Variants in ERFL observed in about 807,000 individuals in gnomAD.
ERFL encodes the protein ETS repressor factor like, also known as ETS domain-containing transcription factor ERF-like.
ERFL carries 8 observed loss-of-function variants against 27.9 expected under a neutral mutation model. The observed-to-expected ratio is 0.29, with a 90% confidence interval of 0.17 to 0.52. ERFL has a LOEUF of 0.52. Among genes scored for constraint, ERFL ranks in the 20% least tolerant of loss-of-function variants. ERFL has a pLI of 0.97. For synonymous variants in ERFL, 174 were observed against 202.8 expected (o/e 0.86, Z 1.21); for missense variants, 294 against 444.4 (o/e 0.66, Z 3.04).
chr19:41,918,268 C>T (rs1438070532), intron 1 of ERFL, among the ~76,000 whole-genome samples: 1 of 151,540 alleles, frequency 6.6e-6, no homozygotes, highest in Admixed American at 6.6e-5. Context: ...CACACCCCCA[C>T]CACACACATA....
chr19:41,914,574 C>T (rs113491758), intron 1 of ERFL, among the ~76,000 whole-genome samples: 4,362 of 17,742 alleles, frequency 0.25, 779 homozygotes, highest in Middle Eastern at 0.32. Flanking sequence ...TCTCTGTCTC[C>T]GTCTCTCCCT....
In ERFL at chr19:41,910,656, G is replaced by A. The variant is rs187028396; in HGVS notation, c.68-559C>T. Among the ~76,000 whole-genome samples, 10 of 152,070 alleles carry A rather than the reference G, an allele frequency of 6.6e-5. No homozygotes were observed. The highest frequency in any genetic ancestry group is 3.9e-4 in the East Asian group (2 of 5,176). ...CTGCCTGTGTATTTGTACCTTTCCC[G>A]TCCCTGTGTCCCCTCCACCCCATAT... On this transcript the variant is annotated intron_variant, in intron 2 of 5. Transcript: ENST00000597630. The surrounding 1 kb of genome is among the most constrained non-coding windows in gnomAD (Gnocchi z 4.4).
rs1160296979 is a variant in ERFL, at chr19:41,913,423, G to T, written c.-13-491C>A. Among the ~76,000 whole-genome samples the T allele has an allele frequency of 1.3e-5, 2 of 151,658 alleles. 1 individual carries two copies. The highest frequency in any genetic ancestry group is 4.2e-4 in the South Asian group (2 of 4,790). On this transcript the variant is annotated intron_variant, in intron 1 of 5. Transcript: ENST00000597630. The stretch of plus-strand genomic sequence containing the variant: ...CCAGATTTATCTTGTTCTATAACTT[G>T]CCCCCACACCCGCCCCACCCGGACG...
intron 2 of ERFL, 81 bp downstream of exon 2, chr19:41,912,772 G>C (rs1207479724): frequency 2.4e-6 from 1 of 413,820 alleles, no homozygotes; most frequent in Admixed American, 5.0e-5. Flanking sequence ...GACACGTGGA[G>C]ACACGGAGAG....
At chr19:41,913,093 A>C (rs1272406891) in intron 1 of ERFL, among the ~76,000 whole-genome samples, 161 bp from the exon 2 acceptor site, 1 of 149,020 alleles carries the variant, frequency 6.7e-6, no homozygotes, top group Non-Finnish European at 1.5e-5. Context: ...TCCCGCAGGC[A>C]CCGCTCTGTC....
rs56862201 is a variant in ERFL, at chr19:41,917,123, C to T, written c.-13-4191G>A. On this transcript the variant is annotated intron_variant, in intron 1 of 5. Coordinates refer to ENST00000597630, the MANE Select transcript of ERFL (RefSeq NM_001365103.2). The surrounding 1 kb of genome is among the most constrained non-coding windows in gnomAD (Gnocchi z 4.8). ...CTCTCTCAGCCCCTTCGGGTGTCGG[C>T]GCATCTTTCTGTCTGTCTCTGTCAC... Among the ~76,000 whole-genome samples the T allele has an allele frequency of 1, 152,292 of 152,292 alleles. 76,146 individuals carry two copies. Among genetic ancestry groups the T allele is most frequent in the Non-Finnish European group, 1 (68,028 of 68,028 alleles).
chr19:41,920,736 C>G (rs2074837190), intron 1 of ERFL, among the ~76,000 whole-genome samples: 1 of 152,236 alleles, frequency 6.6e-6, no homozygotes, highest in Non-Finnish European at 1.5e-5. Flanking sequence ...CGGTCTTCTG[C>G]CTCGACTGCA....
rs1555852451 is a variant in ERFL, at chr19:41,921,108, C to A, written c.-14+6932G>T. ...GCCGCAGTGCCACGCACCCCGCCTACCAAACAGCTCTGGGGGAGGGGAGAG... is the reference window on the plus strand; with the variant it reads ...GCCGCAGTGCCACGCACCCCGCCTAACAAACAGCTCTGGGGGAGGGGAGAG... On this transcript the variant is annotated intron_variant, in intron 1 of 5. Transcript: ENST00000597630. This position sits in a 1 kb window ranked among gnomAD's most constrained non-coding sequence, Gnocchi z 4.4. 6.6e-6 allele frequency among the ~76,000 whole-genome samples: 1 copy of A among 152,122 alleles called. No homozygotes were observed. Among genetic ancestry groups the A allele is most frequent in the Non-Finnish European group, 1.5e-5 (1 of 68,004 alleles).
chr19:41,919,467 C>T (rs1258162339), intron 1 of ERFL, among the ~76,000 whole-genome samples: 3 of 152,062 alleles, frequency 2.0e-5, no homozygotes, highest in Non-Finnish European at 4.4e-5. Flanking sequence ...CAAGCTGGTA[C>T]ATTCAGCTCC....
intron 1 of ERFL, among the ~76,000 whole-genome samples, chr19:41,926,672 C>T (rs1434218668): frequency 1.3e-5 from 2 of 151,850 alleles, no homozygotes; most frequent in Non-Finnish European, 2.9e-5. Context: ...CCTGAGGCTG[C>T]TTGGCGATGC....
rs558265590 is a variant in ERFL at position 41,917,912 on chromosome 19, C to T, written c.-13-4980G>A. Among the ~76,000 whole-genome samples, 61 of 152,094 alleles carry T rather than the reference C, an allele frequency of 4.0e-4. No homozygotes were observed. Among genetic ancestry groups the T allele is most frequent in the African/African-American group, 1.2e-3 (49 of 41,430 alleles). On this transcript the variant is annotated intron_variant, in intron 1 of 5. Coordinates refer to ENST00000597630, the MANE Select transcript of ERFL (RefSeq NM_001365103.2). This position sits in a 1 kb window ranked among gnomAD's most constrained non-coding sequence, Gnocchi z 4.8. Reference sequence around the variant, plus strand: ...ATCTGGGTGCACGAAGCCAGCTCCCCGCGGTCACACACTGTGTGTGTGTGT... The same window carrying T: ...ATCTGGGTGCACGAAGCCAGCTCCCTGCGGTCACACACTGTGTGTGTGTGT...
intron 2 of ERFL, among the ~76,000 whole-genome samples, chr19:41,911,283 A>G (rs1455265558): frequency 6.6e-6 from 1 of 151,942 alleles, no homozygotes; most frequent in Non-Finnish European, 1.5e-5. Context: ...TTCTGTGTTC[A>G]CTCTTATGCC....
intron 2 of ERFL, among the ~76,000 whole-genome samples, chr19:41,911,775 G>A (rs1555851276): frequency 6.6e-6 from 1 of 152,038 alleles, no homozygotes; most frequent in Admixed American, 6.6e-5. Flanking sequence ...CACCCAACCC[G>A]ATACTCCATC....
rs1326834516 is a variant in ERFL at position 41,921,668 on chromosome 19, C to T, written c.-14+6372G>A. Among the ~76,000 whole-genome samples the T allele has an allele frequency of 2.0e-5, 3 of 151,978 alleles. No homozygotes were observed. Among genetic ancestry groups the T allele is most frequent in the Admixed American group, 1.3e-4 (2 of 15,254 alleles). On this transcript the variant is annotated intron_variant, in intron 1 of 5. Transcript: ENST00000597630. The surrounding 1 kb of genome is among the most constrained non-coding windows in gnomAD (Gnocchi z 4.4). ...GGAAGGAGAGAAGAGGGCAGAGATGCGGAAAATTGAGGGATTAGGGCAGAG... is the reference window on the plus strand; with the variant it reads ...GGAAGGAGAGAAGAGGGCAGAGATGTGGAAAATTGAGGGATTAGGGCAGAG...
chr19:41,924,795 A>G (rs1184542731), intron 1 of ERFL, among the ~76,000 whole-genome samples: 3 of 151,996 alleles, frequency 2.0e-5, no homozygotes, highest in Non-Finnish European at 4.4e-5. Flanking sequence ...TCGAGGAGAG[A>G]GCTGGTCAGA....
intron 1 of ERFL, chr19:41,923,113 T>C (rs782261046): frequency 2.2e-6 from 1 of 456,266 alleles, no homozygotes; most frequent in South Asian, 1.5e-5. Context: ...CACCACCACC[T>C]GTGAGGTAGG....
chr19:41,912,718 G>T (rs2074760652), intron 2 of ERFL, 135 bp downstream of exon 2: 1 of 402,296 alleles, frequency 2.5e-6, no homozygotes, highest in Non-Finnish European at 4.3e-6. Context: ...TTGATTTGGG[G>T]GACTGACCAA....
rs1322674380 is a variant in ERFL, at chr19:41,908,275, G to A, written c.1018C>T (p.Pro340Ser). ...CCCGCCTTTGCCTTGGGGGGTGCCGGGAGACCCTCATCGCCCTCGCTGTCA... is the reference window on the plus strand; with the variant it reads ...CCCGCCTTTGCCTTGGGGGGTGCCGAGAGACCCTCATCGCCCTCGCTGTCA... ...SSDSEGDEGL[P>S]APPKAKAGKG... The change falls in exon 6 of 6, where the codon CCG (proline) becomes TCG (serine). Residue 340 changes from proline to serine, a missense_variant. Transcript: ENST00000597630. This position sits in a 1 kb window ranked among gnomAD's most constrained non-coding sequence, Gnocchi z 6.7. The A allele has an allele frequency of 4.1e-6, 5 of 1,231,636 alleles. No individual in the cohort carries two copies. The highest frequency in any genetic ancestry group is 5.1e-6 in the Non-Finnish European group (5 of 987,906). The allele number at this position is 1,231,636 out of a possible 1,614,324, so 76.3% of individuals were successfully genotyped here.
Position 41,914,872 on chromosome 19 carries a change from CTCTCCCTCCCCTCCATCATCTCT to C in ERFL, c.-13-1963_-13-1941del, listed in dbSNP as rs1555851749. Among the ~76,000 whole-genome samples the C allele has an allele frequency of 7.4e-5, 4 of 54,024 alleles. 1 individual carries two copies. Among genetic ancestry groups the C allele is most frequent in the South Asian group, 1.1e-3 (1 of 938 alleles). 35.4% of individuals were successfully genotyped at this position (54,024 alleles called of 152,430 possible). A position where few individuals can be genotyped will look rare whatever the true frequency, so the allele number is the denominator to read the frequency against. The stretch of plus-strand genomic sequence containing the variant: ...CTCTCCCCCCCTCCACCATCTCTGT[CTCTCCCTCCCCTCCATCATCTCT>C]GTCTCTGTCTCTCCCTCCCCCTCCA... On this transcript the variant is annotated intron_variant, in intron 1 of 5. Transcript: ENST00000597630.
Sources: allele counts gnomAD v4.1 joint callset (sites outside exome capture counted in the v4.1 genomes callset), GRCh38; gene constraint gnomAD v4.1.1; non-coding constraint Gnocchi (gnomAD v3.1); transcripts MANE v1.5; gene names NCBI Gene and HGNC (gene_info 2026-07-23, HGNC 2026-07-21).